The following CREB5 variants were observed in gnomAD, a reference collection of about 807,000 sequenced individuals.
CREB5 encodes cAMP responsive element binding protein 5, also known as cyclic AMP-responsive element-binding protein 5.
In CREB5, 19 loss-of-function variants were observed where a neutral mutation model predicts 57.1. That is an observed-to-expected ratio of 0.33 (90% CI 0.23 to 0.49). The LOEUF (loss-of-function observed/expected upper bound fraction) is 0.49, where lower values mean the gene tolerates loss of function less well. Ranked by LOEUF, CREB5 falls within the 20% of genes least tolerant of loss-of-function variation. CREB5 has a pLI of 0.99. For synonymous variants in CREB5, 238 were observed against 238.3 expected (o/e 1.00, Z 0.01); for missense variants, 579 against 671.6 (o/e 0.86, Z 1.52).
chr7:28,485,454 T>G (rs1791508925), intron 1 of CREB5, among the ~76,000 whole-genome samples: 1 of 151,954 alleles, frequency 6.6e-6, no homozygotes, highest in African/African-American at 2.4e-5. Flanking sequence ...TTTTATAATT[T>G]TATAAATAGA....
At chr7:28,789,444 T>A (rs1807535727) in intron 7 of CREB5, among the ~76,000 whole-genome samples, 1 of 152,200 alleles carries the variant, frequency 6.6e-6, no homozygotes, top group Non-Finnish European at 1.5e-5. Flanking sequence ...GATGTCTTAG[T>A]TTCAAAATAG....
chr7:28,673,980 C>T (rs552243631), intron 5 of CREB5, among the ~76,000 whole-genome samples: 1 of 152,118 alleles, frequency 6.6e-6, no homozygotes, highest in Admixed American at 6.5e-5. Flanking sequence ...ACCAATTTAT[C>T]TCTTGCATAT....
chr7:28,759,698 G>T (rs1805536631), intron 7 of CREB5, among the ~76,000 whole-genome samples: 1 of 152,204 alleles, frequency 6.6e-6, no homozygotes, highest in African/African-American at 2.4e-5. Context: ...CGAGGATGGA[G>T]GGTCACTTGC....
chr7:28,671,790 C>T (rs1287990123), intron 5 of CREB5, among the ~76,000 whole-genome samples: 2 of 152,144 alleles, frequency 1.3e-5, no homozygotes, highest in African/African-American at 4.8e-5. Context: ...CTTCACCTGT[C>T]TGAATTTTTG....
intron 1 of CREB5, among the ~76,000 whole-genome samples, chr7:28,324,030 A>T (rs7805882): frequency 6.6e-6 from 1 of 151,784 alleles, no homozygotes; most frequent in Non-Finnish European, 1.5e-5. Context: ...GGAGCTCAGG[A>T]GGTAATGTGC....
intron 4 of CREB5, among the ~76,000 whole-genome samples, chr7:28,545,147 T>A (rs530345579): frequency 6.6e-6 from 1 of 152,304 alleles, no homozygotes; most frequent in South Asian, 2.1e-4. Flanking sequence ...AAAGTTCCCA[T>A]TTTTGAAAAA....
chr7:28,486,670 T>TTAAATATATA (rs1554331892), intron 1 of CREB5, among the ~76,000 whole-genome samples: 2,503 of 89,098 alleles, frequency 0.028, 151 homozygotes, highest in South Asian at 0.046. Flanking sequence ...TCCTATGATT[T>TTAAATATATA]TATATATATA....
intron 1 of CREB5, among the ~76,000 whole-genome samples, chr7:28,313,693 A>G (rs913549345): frequency 6.6e-6 from 1 of 152,152 alleles, no homozygotes; most frequent in Non-Finnish European, 1.5e-5. Context: ...TCCTCACTCA[A>G]TGGATGTAGA....
At chr7:28,818,266 T>A in intron 10 of CREB5, 87 bp downstream of exon 10, 1 of 895,410 alleles carries the variant, frequency 1.1e-6, no homozygotes, top group Non-Finnish European at 1.8e-6. Flanking sequence ...AGAGCAAAAG[T>A]AAAGTGTAGA....
chr7:28,742,119 A>G (rs1804391350), intron 7 of CREB5, among the ~76,000 whole-genome samples: 1 of 151,598 alleles, frequency 6.6e-6, no homozygotes, highest in East Asian at 1.9e-4. Flanking sequence ...TTTGATTAAC[A>G]TATTATGACT....
intron 5 of CREB5, among the ~76,000 whole-genome samples, chr7:28,573,795 T>G (rs1413066775): frequency 6.6e-6 from 1 of 152,200 alleles, no homozygotes; most frequent in African/African-American, 2.4e-5. Flanking sequence ...ATTTTCATGC[T>G]TTTTGAACAG....
chr7:28,662,963 G>A (rs1161541307), intron 5 of CREB5, among the ~76,000 whole-genome samples: 1 of 151,726 alleles, frequency 6.6e-6, no homozygotes, highest in African/African-American at 2.4e-5. Context: ...TGGCCAAGAT[G>A]GTGAAACCCC....
chr7:28,343,847 C>T (rs1400661131), intron 1 of CREB5, among the ~76,000 whole-genome samples: 1 of 152,206 alleles, frequency 6.6e-6, no homozygotes, highest in African/African-American at 2.4e-5. Flanking sequence ...CTTTTCTCCA[C>T]ATTCTTGCCA....
intron 1 of CREB5, among the ~76,000 whole-genome samples, chr7:28,316,435 A>C (rs986930888): frequency 6.6e-6 from 1 of 152,186 alleles, no homozygotes; most frequent in East Asian, 1.9e-4. Context: ...TATAATTTAA[A>C]TTGGGAGCAA....
intron 5 of CREB5, among the ~76,000 whole-genome samples, chr7:28,624,776 A>G (rs980729205): frequency 8.6e-5 from 13 of 151,350 alleles, no homozygotes; most frequent in African/African-American, 1.9e-4. Flanking sequence ...ACTCTTCCCT[A>G]TAAAAGGAAA....
intron 4 of CREB5, among the ~76,000 whole-genome samples, chr7:28,555,219 A>G (rs768424242): frequency 4.6e-5 from 7 of 152,092 alleles, no homozygotes; most frequent in African/African-American, 7.2e-5. Context: ...AACATACAAG[A>G]CAAAGCATTC....
chr7:28,538,037 G>C (rs1583595435), intron 4 of CREB5, among the ~76,000 whole-genome samples: 1 of 135,248 alleles, frequency 7.4e-6, no homozygotes, highest in South Asian at 2.6e-4. Context: ...TGTTGTTGTT[G>C]TTGTTATCGT....
upstream of CREB5, chr7:28,410,504 T>G (rs1249956091): frequency 2.2e-6 from 1 of 456,712 alleles, no homozygotes; most frequent in Non-Finnish European, 4.4e-6. Flanking sequence ...TGCATCCCGC[T>G]TCTTCTTTGC....
At chr7:28,453,773 C>T (rs1014008100) in intron 1 of CREB5, among the ~76,000 whole-genome samples, 4 of 152,182 alleles carry the variant, frequency 2.6e-5, no homozygotes, top group African/African-American at 9.7e-5. Context: ...TTAACATCAC[C>T]GATGAAATTG....
Sources: allele counts gnomAD v4.1 joint callset (sites outside exome capture counted in the v4.1 genomes callset), GRCh38; gene constraint gnomAD v4.1.1; transcripts MANE v1.5; gene names NCBI Gene and HGNC (gene_info 2026-07-23, HGNC 2026-07-21).